NEDD9: variants seen among roughly 807,000 people sequenced by gnomAD.
NEDD9 encodes enhancer of filamentation 1.
A neutral mutation model predicts 76.6 loss-of-function variants in NEDD9; 26 were observed. The observed-to-expected ratio is 0.34, with a 90% CI of 0.25 to 0.47. NEDD9 has a LOEUF of 0.47. Among genes scored for constraint, NEDD9 ranks in the 20% least tolerant of loss-of-function variants. The pLI is 1.00. For synonymous variants in NEDD9, 392 were observed against 414.2 expected (o/e 0.95, Z 0.65); for missense variants, 937 against 1,058.5 (o/e 0.89, Z 1.59).
At chr6:11,300,513 C>T (rs1761019904) in intron 3 of NEDD9, among the ~76,000 whole-genome samples, 1 of 152,148 alleles carries the variant, frequency 6.6e-6, no homozygotes, top group African/African-American at 2.4e-5. Context: ...ATACAGAGAA[C>T]ACCACAAAGA....
At chr6:11,360,704 T>C (rs1424805823) in intron 1 of NEDD9, among the ~76,000 whole-genome samples, 1 of 152,230 alleles carries the variant, frequency 6.6e-6, no homozygotes, top group African/African-American at 2.4e-5. Context: ...GCCAGCATCA[T>C]GCTTCCTGTA....
chr6:11,327,005 G>T (rs899241202), intron 2 of NEDD9, among the ~76,000 whole-genome samples: 1 of 152,202 alleles, frequency 6.6e-6, no homozygotes, highest in Non-Finnish European at 1.5e-5. Context: ...TGGGTTTTAG[G>T]TAGAGTGACC....
At chr6:11,378,332 C>A (rs998664738) in intron 1 of NEDD9, among the ~76,000 whole-genome samples, 5 of 152,230 alleles carry the variant, frequency 3.3e-5, no homozygotes, top group Admixed American at 6.5e-5. Context: ...CCCCCTTCAT[C>A]TTTCACCATG....
chr6:11,350,475 G>T (rs994036737), intron 1 of NEDD9, among the ~76,000 whole-genome samples: 26 of 152,304 alleles, frequency 1.7e-4, no homozygotes, highest in Non-Finnish European at 3.5e-4. Context: ...CTCTTTCAAA[G>T]GACCTGATTA....
intron 1 of NEDD9, among the ~76,000 whole-genome samples, chr6:11,338,719 C>G (rs528342674): frequency 6.6e-6 from 1 of 152,142 alleles, no homozygotes; most frequent in East Asian, 1.9e-4. Flanking sequence ...GTCAAGAGAT[C>G]GAGACCATCC....
In NEDD9 at chr6:11,213,331, A is replaced by T; in HGVS notation, c.409T>A (p.Ser137Thr). The stretch of plus-strand genomic sequence containing the variant: ...GTTCCCCCAATGCTTCTCTGCACTG[A>T]TGGTGGCACCTGATATACCTCTTGT... ...QEQEVYQVPP[S>T]VQRSIGGTSG... Residue 137 changes from serine to threonine, a missense_variant, in exon 2 of 7, where the codon TCA becomes ACA. Transcript: ENST00000379446. The surrounding 1 kb of genome is among the most constrained non-coding windows in gnomAD (Gnocchi z 5.4). 6.2e-7 allele frequency: 1 copy of T among 1,614,100 alleles called. No homozygotes were observed. The highest frequency in any genetic ancestry group is 8.5e-7 in the Non-Finnish European group (1 of 1,180,008).
intron 3 of NEDD9, among the ~76,000 whole-genome samples, chr6:11,300,251 A>G (rs1263079006): frequency 6.6e-6 from 1 of 152,224 alleles, no homozygotes; most frequent in Non-Finnish European, 1.5e-5. Context: ...CAAGTGGAAG[A>G]AAGGATATCA....
chr6:11,193,797 TAGAA>T (rs550763701), intron 2 of NEDD9, 105 bp from the exon 3 acceptor site: 5 of 660,086 alleles, frequency 7.6e-6, no homozygotes, highest in South Asian at 4.4e-5. Flanking sequence ...CATAAAAAGA[TAGAA>T]AGAAACCAAA....
At chr6:11,335,135 AT>A (rs1214651777) in intron 1 of NEDD9, among the ~76,000 whole-genome samples, 1 of 149,114 alleles carries the variant, frequency 6.7e-6, no homozygotes, top group Non-Finnish European at 1.5e-5. Flanking sequence ...GTAAAAAAAA[AT>A]CACCATTTGG....
chr6:11,206,231 C>T (rs1390094591), intron 2 of NEDD9, among the ~76,000 whole-genome samples: 5 of 151,954 alleles, frequency 3.3e-5, no homozygotes, highest in African/African-American at 4.8e-5. Flanking sequence ...CCAGCCTGAC[C>T]AATATGATGA....
chr6:11,197,863 G>A lies in NEDD9; in HGVS notation c.460-4171C>T, dbSNP rs946174316. On this transcript the variant is annotated intron_variant, in intron 2 of 6. Transcript: ENST00000379446. ...CCATGTATGCTGAAATTTTAAAGAG[G>A]AGGGTCTGTGTTTGGATAGCAGAGA... Among the ~76,000 whole-genome samples, 4 of 152,146 alleles carry A rather than the reference G, an allele frequency of 2.6e-5. No individual in the cohort carries two copies. The South Asian group carries it at 8.3e-4, about 32-fold the overall frequency.
Position 11,374,914 on chromosome 6 carries a change from G to C in NEDD9, c.-214+7225C>G, listed in dbSNP as rs1381700773. Among the ~76,000 whole-genome samples, 5 of 152,024 alleles carry C rather than the reference G, an allele frequency of 3.3e-5. No individual in the cohort carries two copies. In the South Asian group the frequency reaches 1.0e-3, roughly 32 times the overall value. On this transcript the variant is annotated intron_variant, in intron 1 of 3. Coordinates refer to the NEDD9 transcript ENST00000397378. ...CAGGAAGATTCTTTTTTTTCTTTTT[G>C]TTTTTATTTTTTAATCTTGGGGAGT...
chr6:11,297,772 T>C (rs1313967601), intron 3 of NEDD9, among the ~76,000 whole-genome samples: 1 of 152,208 alleles, frequency 6.6e-6, no homozygotes, highest in Non-Finnish European at 1.5e-5. Context: ...TCGGTACTAT[T>C]CTCATTCTCA....
At chr6:11,379,178 G>A (rs1763018328) in intron 1 of NEDD9, among the ~76,000 whole-genome samples, 1 of 152,236 alleles carries the variant, frequency 6.6e-6, no homozygotes, top group Non-Finnish European at 1.5e-5. Flanking sequence ...ATGCCCTTGA[G>A]GAGCCTGCGT....
At chr6:11,196,394 G>A (rs1758295052) in intron 2 of NEDD9, among the ~76,000 whole-genome samples, 1 of 152,158 alleles carries the variant, frequency 6.6e-6, no homozygotes, top group Non-Finnish European at 1.5e-5. Flanking sequence ...ATAGCACTAG[G>A]TGACATATAA....
intron 2 of NEDD9, chr6:11,200,847 G>T: frequency 6.5e-7 from 1 of 1,547,116 alleles, no homozygotes; most frequent in Non-Finnish European, 8.7e-7. Context: ...ACACGCCAAT[G>T]GGAAACCCCA....
At chr6:11,260,590 C>T (rs973445515) in intron 3 of NEDD9, among the ~76,000 whole-genome samples, 2 of 152,094 alleles carry the variant, frequency 1.3e-5, no homozygotes, top group African/African-American at 2.4e-5. Context: ...CTTCTCATCC[C>T]ACCCGTTGTC....
intron 3 of NEDD9, among the ~76,000 whole-genome samples, chr6:11,284,372 G>A (rs976424403): frequency 8.3e-5 from 12 of 145,102 alleles, no homozygotes; most frequent in African/African-American, 2.3e-4. Flanking sequence ...TGGCTAACAC[G>A]GTGAAACCCC....
intron 1 of NEDD9, among the ~76,000 whole-genome samples, chr6:11,359,981 T>C (rs12201617): frequency 0.018 from 2,681 of 152,306 alleles, 35 homozygotes; most frequent in Non-Finnish European, 0.03. Context: ...GCCTATATCA[T>C]GAAAGGAGGA....
Sources: allele counts gnomAD v4.1 joint callset (sites outside exome capture counted in the v4.1 genomes callset), GRCh38; gene constraint gnomAD v4.1.1; non-coding constraint Gnocchi (gnomAD v3.1); transcripts MANE v1.5; gene names NCBI Gene and HGNC (gene_info 2026-07-23, HGNC 2026-07-21).